STOX2: variants seen among roughly 807,000 people sequenced by gnomAD.
STOX2 encodes the protein storkhead box 2.
Under a neutral mutation model 60.9 loss-of-function variants are expected in STOX2, and 28 were observed. The ratio of observed to expected loss-of-function variants is 0.46; its 90% CI spans 0.34 to 0.63. STOX2 has a LOEUF of 0.63. Ranked by LOEUF, STOX2 falls within the 30% of genes least tolerant of loss-of-function variation. The pLI, the probability that STOX2 is intolerant of heterozygous loss-of-function variation, is 0.01. For synonymous variants in STOX2, 472 were observed against 463.9 expected, an observed-to-expected ratio of 1.02 and a Z score of -0.22; for missense variants, 1,024 against 1,187.7, an observed-to-expected ratio of 0.86 and a Z score of 2.03.
chr4:184,006,881 TGGCG>T (rs1265938873), intron 2 of STOX2, among the ~76,000 whole-genome samples: 1 of 149,026 alleles, frequency 6.7e-6, no homozygotes, highest in African/African-American at 2.4e-5. Context: ...CTGGGCGTAG[TGGCG>T]GGCGCCTGTA....
intron 1 of STOX2, among the ~76,000 whole-genome samples, chr4:183,866,432 T>A (rs1300200588): frequency 6.6e-6 from 1 of 152,116 alleles, no homozygotes; most frequent in Admixed American, 6.5e-5. Context: ...GTGTTCTGAG[T>A]AGGATGCTTC....
chr4:183,988,484 G>T (rs1027718924), intron 1 of STOX2: 1 of 151,964 alleles, frequency 6.6e-6, no homozygotes, highest in Non-Finnish European at 1.5e-5. Context: ...CCTTTTTAAG[G>T]TGCCTTTTGC....
chr4:183,844,157 C>T (rs1470478599), intron 1 of STOX2, among the ~76,000 whole-genome samples: 1 of 152,108 alleles, frequency 6.6e-6, no homozygotes, highest in Non-Finnish European at 1.5e-5. Flanking sequence ...GAAAAAGGGA[C>T]ACCCCATTGC....
chr4:183,991,647 T>A (rs1733110287), intron 1 of STOX2, among the ~76,000 whole-genome samples: 1 of 152,122 alleles, frequency 6.6e-6, no homozygotes, highest in African/African-American at 2.4e-5. Context: ...CAGGCTGGTC[T>A]TGAACTCCTG....
At chr4:183,917,992 T>C (rs915377653) in intron 1 of STOX2, among the ~76,000 whole-genome samples, 1 of 152,374 alleles carries the variant, frequency 6.6e-6, no homozygotes, top group South Asian at 2.1e-4. Flanking sequence ...ATTAGCATAG[T>C]GCCTGACACA....
chr4:183,995,291 C>CTTTTTTT (rs61681165), intron 1 of STOX2, among the ~76,000 whole-genome samples: 38 of 79,444 alleles, frequency 4.8e-4, no homozygotes, highest in African/African-American at 1.7e-3. Context: ...TTATTTTAGT[C>CTTTTTTT]TTTTTTTTTT....
chr4:183,828,414 T>C (rs1479428876), intron 1 of STOX2, among the ~76,000 whole-genome samples: 2 of 152,188 alleles, frequency 1.3e-5, no homozygotes, highest in Non-Finnish European at 2.9e-5. Flanking sequence ...TTCAGTCATA[T>C]TCAGTCTAAC....
chr4:183,808,127 A>C (rs1348844916), intron 1 of STOX2, among the ~76,000 whole-genome samples: 1 of 152,250 alleles, frequency 6.6e-6, no homozygotes, highest in East Asian at 1.9e-4. Context: ...TCAATAAACC[A>C]GACTCTCCTG....
At position 183,899,467 on chromosome 4, in the gene STOX2, G is replaced by A. The variant is rs1355490941; in HGVS notation, c.364+101412G>A. 4.6e-5 allele frequency among the ~76,000 whole-genome samples: 7 copies of A among 152,180 alleles called. No homozygotes were observed. In the East Asian group the frequency reaches 1.3e-3, roughly 29 times the overall value. On this transcript the variant is annotated intron_variant, in intron 1 of 2. Transcript: ENST00000513034. ...AGGAAATTAGAAGTGCTACCCCAAT[G>A]AACACACGAATGATAAGAAAGCAAA...
At chr4:183,869,961 A>G (rs1271296849) in intron 1 of STOX2, among the ~76,000 whole-genome samples, 3 of 152,184 alleles carry the variant, frequency 2.0e-5, no homozygotes, top group Non-Finnish European at 4.4e-5. Context: ...CTGATTCACA[A>G]GCAGGCCGTA....
At chr4:184,012,138 A>G (rs1231412163) in intron 3 of STOX2, among the ~76,000 whole-genome samples, 1 of 152,250 alleles carries the variant, frequency 6.6e-6, no homozygotes, top group African/African-American at 2.4e-5. Context: ...TAGTTCAGCA[A>G]AGGGTTGACA....
intron 1 of STOX2, among the ~76,000 whole-genome samples, chr4:183,964,188 T>C (rs1277131057): frequency 1.3e-5 from 2 of 152,204 alleles, no homozygotes; most frequent in African/African-American, 4.8e-5. Context: ...AGGGAGATGA[T>C]CTGCTTCAGA....
At chr4:184,004,625 C>T (rs866217657) in intron 2 of STOX2, among the ~76,000 whole-genome samples, 3 of 151,996 alleles carry the variant, frequency 2.0e-5, no homozygotes, top group African/African-American at 7.2e-5. Flanking sequence ...AAAAAAATTC[C>T]GATACATCAA....
chr4:183,861,925 C>T (rs1241098275), intron 1 of STOX2, among the ~76,000 whole-genome samples: 1 of 152,164 alleles, frequency 6.6e-6, no homozygotes, highest in African/African-American at 2.4e-5. Context: ...GTAACTAGAA[C>T]ATTACAGGAT....
intron 1 of STOX2, among the ~76,000 whole-genome samples, chr4:183,908,573 G>A (rs1741684736): frequency 6.8e-6 from 1 of 146,392 alleles, no homozygotes; most frequent in South Asian, 2.2e-4. Flanking sequence ...CATGATTCAG[G>A]CACATTTCCA....
chr4:183,826,451 T>G (rs1486126968), intron 1 of STOX2, among the ~76,000 whole-genome samples: 1 of 152,212 alleles, frequency 6.6e-6, no homozygotes, highest in Non-Finnish European at 1.5e-5. Context: ...ACAGTTCGTC[T>G]TCCCTGTGAA....
At chr4:184,012,409 A>G (rs1481190923) in intron 3 of STOX2, among the ~76,000 whole-genome samples, 3 of 152,190 alleles carry the variant, frequency 2.0e-5, no homozygotes, top group Non-Finnish European at 2.9e-5. Flanking sequence ...TTTAACATGG[A>G]TTCAGATAGG....
At chr4:183,963,810 C>G (rs1179337470) in intron 1 of STOX2, among the ~76,000 whole-genome samples, 2 of 148,998 alleles carry the variant, frequency 1.3e-5, no homozygotes, top group African/African-American at 2.5e-5. Context: ...GAGTCTCGCT[C>G]TGTCACCCAG....
At position 183,874,983 on chromosome 4, in the gene STOX2, AT is replaced by A. The variant is rs1560857897; in HGVS notation, c.364+76929del. Among the ~76,000 whole-genome samples the A allele has an allele frequency of 6.5e-3, 678 of 103,950 alleles. 10 individuals are homozygous for A. The highest frequency in any genetic ancestry group is 0.014 in the African/African-American group (331 of 24,472). The allele number at this position is 103,950 out of a possible 152,430, so 68.2% of individuals were successfully genotyped here. A position where few individuals can be genotyped will look rare whatever the true frequency, so the allele number is the denominator to read the frequency against. Reference sequence around the variant, plus strand: ...TATATATATATATATATATATATATATATATATATAAAACTTAGAATTTTGC... The same window carrying A: ...TATATATATATATATATATATATATAATATATATAAAACTTAGAATTTTGC... On this transcript the variant is annotated intron_variant, in intron 1 of 2. Transcript: ENST00000513034.
Sources: gnomAD v4.1 joint callset for allele counts (sites outside exome capture counted in the v4.1 genomes callset) on GRCh38, gnomAD v4.1.1 for gene constraint, MANE v1.5 for transcripts, NCBI Gene and HGNC (gene_info 2026-07-23, HGNC 2026-07-21) for gene names.